The following PCDHGB5 variants were observed in gnomAD, a reference collection of about 807,000 sequenced individuals.
PCDHGB5 encodes the protein protocadherin gamma-B5.
PCDHGB5 carries 48 observed loss-of-function variants against 62.9 expected under a neutral mutation model. The observed-to-expected ratio is 0.76, with a 90% CI of 0.61 to 0.97. The LOEUF (loss-of-function observed/expected upper bound fraction) is 0.97. Ranked by LOEUF, PCDHGB5 falls within the 50% of genes least tolerant of loss-of-function variation. The pLI is 0.00. For missense variants in PCDHGB5, 1,118 were observed against 1,198.6 expected (o/e 0.93, Z 0.99); for synonymous variants, 474 against 511.2 (o/e 0.93, Z 0.98).
At chr5:141,402,827 G>C in intron 1 of PCDHGB5, 10 of 1,330,136 alleles carry the variant, frequency 7.5e-6, no homozygotes, top group Non-Finnish European at 9.9e-6. Context: ...CTGCTCCCAG[G>C]CTGCAGCAAA....
chr5:141,426,719 A>G (rs776136674), intron 1 of PCDHGB5: 2 of 446,424 alleles, frequency 4.5e-6, no homozygotes, highest in Non-Finnish European at 9.1e-6. Context: ...ATGAACTAGC[A>G]ATTCCAGGCA....
At chr5:141,479,505 G>A (rs2099498324) in intron 1 of PCDHGB5, 1 of 152,262 alleles carries the variant, frequency 6.6e-6, no homozygotes, top group African/African-American at 2.4e-5. Flanking sequence ...CCTAAAGAGG[G>A]GTGAACTGGC....
intron 1 of PCDHGB5, among the ~76,000 whole-genome samples, chr5:141,459,575 G>T (rs2098970751): frequency 1.3e-5 from 2 of 152,132 alleles, no homozygotes; most frequent in Admixed American, 6.5e-5. Context: ...AAACAGAATT[G>T]TTTTGGGGGT....
At chr5:141,480,956 C>G (rs2099528870) in intron 1 of PCDHGB5, among the ~76,000 whole-genome samples, 1 of 152,064 alleles carries the variant, frequency 6.6e-6, no homozygotes, top group South Asian at 2.1e-4. Flanking sequence ...GAGGCGGAAG[C>G]ATCAGTGAGG....
chr5:141,450,734 G>A (rs1365470415), intron 1 of PCDHGB5, among the ~76,000 whole-genome samples: 6 of 151,868 alleles, frequency 4.0e-5, no homozygotes, highest in South Asian at 2.1e-4. Context: ...TGATCCGCCC[G>A]CCTTGGCCTC....
rs200580042 is a variant in PCDHGB5 at position 141,486,553 on chromosome 5, T to C, written c.2398-8254T>C. 5.4e-5 allele frequency: 87 copies of C among 1,614,028 alleles called. No individual in the cohort carries two copies. The highest frequency in any genetic ancestry group is 7.2e-5 in the Non-Finnish European group (85 of 1,180,046). On this transcript the variant is annotated intron_variant, in intron 1 of 3. Coordinates refer to ENST00000617380, the MANE Select transcript of PCDHGB5 (RefSeq NM_018925.3). The surrounding 1 kb of genome is among the most constrained non-coding windows in gnomAD (Gnocchi z 5.0). ...CACCCTCTTTCTTTCAGAGGTCACA[T>C]GAGGTGTTTGTTCCTGAGAACAATC...
chr5:141,491,612 G>C lies in PCDHGB5; in HGVS notation c.2398-3195G>C, dbSNP rs759955730. 1 of 1,613,906 alleles carries C rather than the reference G, an allele frequency of 6.2e-7. No individual in the cohort carries two copies. Among genetic ancestry groups the C allele is most frequent in the South Asian group, 1.1e-5 (1 of 91,080 alleles). ...GACGGCAGTGACTTCACTTTTCTAA[G>C]ACCCCTCAGCGTTCAGCAGCCCACA... On this transcript the variant is annotated intron_variant, in intron 1 of 3. Transcript: ENST00000617380. The surrounding 1 kb of genome is among the most constrained non-coding windows in gnomAD (Gnocchi z 6.9).
intron 1 of PCDHGB5, among the ~76,000 whole-genome samples, chr5:141,460,628 G>C (rs2098993821): frequency 6.6e-6 from 1 of 151,958 alleles, no homozygotes; most frequent in African/African-American, 2.4e-5. Flanking sequence ...GACAGATACA[G>C]ATATATAACT....
At chr5:141,414,948 G>A (rs957548133) in intron 1 of PCDHGB5, 20 of 1,614,084 alleles carry the variant, frequency 1.2e-5, no homozygotes, top group South Asian at 2.2e-5. Flanking sequence ...CCGGCTACCT[G>A]GTGACCAAGG....
At chr5:141,505,241 T>C in intron 2 of PCDHGB5, 152 bp from the exon 3 acceptor site, 3 of 1,396,292 alleles carry the variant, frequency 2.1e-6, no homozygotes, top group South Asian at 1.4e-5. Flanking sequence ...TTCTGAAGGA[T>C]TGTAGAAGTG....
intron 1 of PCDHGB5, chr5:141,408,760 C>T: frequency 6.2e-7 from 1 of 1,610,404 alleles, no homozygotes. Flanking sequence ...GAGTTAATTC[C>T]GATGGTGGCA....
intron 2 of PCDHGB5, among the ~76,000 whole-genome samples, chr5:141,498,872 G>T (rs912789877): frequency 1.4e-4 from 21 of 151,650 alleles, no homozygotes; most frequent in Non-Finnish European, 2.9e-4. Flanking sequence ...GGCGGAGGTT[G>T]CAGTGAGCTG....
At chr5:141,439,737 A>T (rs947754447) in intron 1 of PCDHGB5, 4 of 152,382 alleles carry the variant, frequency 2.6e-5, no homozygotes, top group Non-Finnish European at 5.9e-5. Flanking sequence ...CAGGAACGGA[A>T]CGGATTTACA....
In PCDHGB5 at chr5:141,432,677, C is replaced by T. The variant is rs1241190176; in HGVS notation, c.2397+32153C>T. On this transcript the variant is annotated intron_variant, in intron 1 of 3. Transcript: ENST00000617380. This position sits in a 1 kb window ranked among gnomAD's most constrained non-coding sequence, Gnocchi z 6.0. ...CCTGCTGGACAGAGACGCGCTCAAGCAGAGCCTCGTAGTGGCCGTCCAGGA... is the reference window on the plus strand; with the variant it reads ...CCTGCTGGACAGAGACGCGCTCAAGTAGAGCCTCGTAGTGGCCGTCCAGGA... The T allele has an allele frequency of 1.2e-6, 2 of 1,613,942 alleles. No individual in the cohort carries two copies. The highest frequency in any genetic ancestry group is 1.1e-5 in the South Asian group (1 of 91,076).
rs1210499024 is a variant in PCDHGB5 at position 141,431,784 on chromosome 5, A to T, written c.2397+31260A>T. ...CTGATCACTGTTCTGGACGTGAACG[A>T]CAATGCCCCAGAAGTGGTCCTCACC... On this transcript the variant is annotated intron_variant, in intron 1 of 3. Transcript: ENST00000617380. This position sits in a 1 kb window ranked among gnomAD's most constrained non-coding sequence, Gnocchi z 4.8. The T allele has an allele frequency of 6.2e-7, 1 of 1,614,102 alleles. No homozygotes were observed. The highest frequency in any genetic ancestry group is 8.5e-7 in the Non-Finnish European group (1 of 1,180,030).
In PCDHGB5 at chr5:141,475,486, T is replaced by C. The variant is rs576743657; in HGVS notation, c.2398-19321T>C. Among the ~76,000 whole-genome samples, 14 of 152,370 alleles carry C rather than the reference T, an allele frequency of 9.2e-5. No homozygotes were observed. In the East Asian group the frequency reaches 2.7e-3, roughly 29 times the overall value. On this transcript the variant is annotated intron_variant, in intron 1 of 3. Transcript: ENST00000617380. ...AATGCTAATTTCATTTGGTAAGAGA[T>C]AAAACTGAAATTATTAATGTCTCCA...
chr5:141,421,860 C>T (rs759779291), intron 1 of PCDHGB5: 1 of 1,613,750 alleles, frequency 6.2e-7, no homozygotes. Flanking sequence ...CTCACCTGCT[C>T]CTCCTCACAG....
chr5:141,427,924 G>T, intron 1 of PCDHGB5: 1 of 1,580,140 alleles, frequency 6.3e-7, no homozygotes, highest in Non-Finnish European at 8.7e-7. Flanking sequence ...ATGAGCCGGC[G>T]CATGTTGGTG....
chr5:141,511,049 G>A lies in PCDHGB5; in HGVS notation c.2648G>A (p.Arg883His), dbSNP rs61749029. 408 of 1,614,098 alleles carry A rather than the reference G, an allele frequency of 2.5e-4. No individual in the cohort carries two copies. Among genetic ancestry groups the A allele is most frequent in the South Asian group, 7.2e-4 (66 of 91,094 alleles). Residue 883 changes from arginine (R) to histidine (H), a missense_variant, in exon 4 of 4, where the codon CGC becomes CAC. Around this residue, in one of 2 missense-constraint regions of PCDHGB5, gnomAD observed 1,034 missense variants for 1,029.1 expected, o/e 1.00. Transcript: ENST00000617380. ...QFTLQHVPDY[R>H]QNVYIPGSNA... ...ACCCTGCAGCACGTGCCCGACTACC[G>A]CCAGAATGTCTACATCCCAGGCAGC...
Sources: gnomAD v4.1 joint callset for allele counts (sites outside exome capture counted in the v4.1 genomes callset) on GRCh38, gnomAD v4.1.1 for gene constraint, gnomAD v4.1.1 regional missense constraint, Gnocchi (gnomAD v3.1) non-coding constraint, MANE v1.5 for transcripts, NCBI Gene and HGNC (gene_info 2026-07-23, HGNC 2026-07-21) for gene names.